ABCC2: variants seen among roughly 807,000 people sequenced by gnomAD.
The protein encoded by ABCC2 is ATP binding cassette subfamily C member 2, also known as ATP-binding cassette sub-family C member 2.
Under a neutral mutation model 173.4 loss-of-function variants are expected in ABCC2, and 157 were observed. The ratio of observed to expected loss-of-function variants is 0.91; its 90% CI spans 0.80 to 1.03. The LOEUF (loss-of-function observed/expected upper bound fraction) is 1.03, where lower values mean the gene tolerates loss of function less well. Among genes scored for constraint, ABCC2 ranks in the 50% least tolerant of loss-of-function variants. ABCC2 has a pLI of 0.00. For missense variants in ABCC2, 1,822 were observed against 1,852.3 expected (o/e 0.98, Z 0.30); for synonymous variants, 657 against 693.5 (o/e 0.95, Z 0.83).
Position 99,847,168 on chromosome 10 carries a change from G to T in ABCC2, c.4313+41G>T, listed in dbSNP as rs1454861902. 3.1e-6 allele frequency: 5 copies of T among 1,610,786 alleles called. No homozygotes were observed. The African/African-American group carries it at 5.3e-5, about 17-fold the overall frequency. ...CTGCTACCCCTGCAGGCAATGAGAGGATGTGAGGGGGCCACTCCTCGTGTT... is the reference window on the plus strand; with the variant it reads ...CTGCTACCCCTGCAGGCAATGAGAGTATGTGAGGGGGCCACTCCTCGTGTT... On this transcript the variant is annotated intron_variant, in intron 30 of 31. Coordinates refer to ENST00000647814, the MANE Select transcript of ABCC2 (RefSeq NM_000392.5).
At chr10:99,797,013 C>T (rs552854364) in intron 6 of ABCC2, 84 bp from the exon 7 acceptor site, 1 of 1,205,602 alleles carries the variant, frequency 8.3e-7, no homozygotes, top group Admixed American at 1.8e-5. Context: ...ATCCCAGAAC[C>T]TGGAGGTAGG....
At position 99,844,092 on chromosome 10, in the gene ABCC2, G is replaced by A. The variant is rs961198569; in HGVS notation, c.3843+192G>A. ...AATGGTTTAGGGGATGTCGGGTCTT[G>A]CAACATACCGAGGAGATCTACAGCA... On this transcript the variant is annotated intron_variant, in intron 27 of 31. Transcript: ENST00000647814. Among the ~76,000 whole-genome samples, 14 of 152,200 alleles carry A rather than the reference G, an allele frequency of 9.2e-5. No homozygotes were observed. In the South Asian group the frequency reaches 1.9e-3, roughly 20 times the overall value.
In ABCC2 at chr10:99,830,550, C is replaced by T. The variant is rs142033100; in HGVS notation, c.2747+117C>T. ...AACACCATGGACACTCCAAGCTCTT[C>T]CTTTGTTTCTTTGTTGTGGGGATGG... On this transcript the variant is annotated intron_variant, in intron 20 of 31. Coordinates refer to ENST00000647814, the MANE Select transcript of ABCC2 (RefSeq NM_000392.5). 125 of 1,570,790 alleles carry T rather than the reference C, an allele frequency of 8.0e-5. No individual in the cohort carries two copies. The East Asian group carries it at 2.5e-3, about 32-fold the overall frequency.
At chr10:99,827,877 G>A (rs578143003) in intron 19 of ABCC2, among the ~76,000 whole-genome samples, 2 of 140,658 alleles carry the variant, frequency 1.4e-5, no homozygotes, top group Non-Finnish European at 3.0e-5. Flanking sequence ...ATATGTACTC[G>A]GGATCTCTCG....
chr10:99,846,287 C>G (rs1480838696), intron 29 of ABCC2, among the ~76,000 whole-genome samples: 1 of 152,244 alleles, frequency 6.6e-6, no homozygotes, highest in African/African-American at 2.4e-5. Flanking sequence ...CTCCGTTCCC[C>G]GCAGCGGCTC....
intron 19 of ABCC2, among the ~76,000 whole-genome samples, chr10:99,821,558 T>C (rs1392323847): frequency 6.6e-6 from 1 of 152,182 alleles, no homozygotes; most frequent in Non-Finnish European, 1.5e-5. Context: ...TGGTGATGAC[T>C]CTTAACGAGC....
chr10:99,849,401 A>T (rs116854870), intron 30 of ABCC2, among the ~76,000 whole-genome samples: 3 of 152,322 alleles, frequency 2.0e-5, no homozygotes, highest in Non-Finnish European at 2.9e-5. Context: ...GTAGGGTACA[A>T]TGGGAGGCCT....
chr10:99,803,218 C>T (rs890789045), intron 9 of ABCC2, among the ~76,000 whole-genome samples: 1 of 152,228 alleles, frequency 6.6e-6, no homozygotes, highest in African/African-American at 2.4e-5. Flanking sequence ...ATCTGCCTGC[C>T]TCGTCCTTCC....
At chr10:99,800,055 C>G (rs540356128) in intron 8 of ABCC2, among the ~76,000 whole-genome samples, 2 of 152,162 alleles carry the variant, frequency 1.3e-5, no homozygotes, top group South Asian at 2.1e-4. Context: ...AAATAGTTAG[C>G]TAGATGCGAT....
rs1359611897 is a variant in ABCC2, at chr10:99,814,243, A to G, written c.2094+1099A>G. Among the ~76,000 whole-genome samples, 3 of 65,142 alleles carry G rather than the reference A, an allele frequency of 4.6e-5. 1 individual carries two copies. The highest frequency in any genetic ancestry group is 7.6e-5 in the African/African-American group (1 of 13,098). 42.7% of individuals were successfully genotyped at this position (65,142 alleles called of 152,430 possible). On this transcript the variant is annotated intron_variant, in intron 16 of 31. Transcript: ENST00000647814. Reference sequence around the variant, plus strand: ...TATATACACACATGTGTATATATGCACACACGTATGTATACACACGTATGT... The same window carrying G: ...TATATACACACATGTGTATATATGCGCACACGTATGTATACACACGTATGT...
rs2038086260 is a variant in ABCC2 at position 99,805,573 on chromosome 10, G to T, written c.1530+126G>T. The T allele has an allele frequency of 3.2e-6, 3 of 947,410 alleles. No homozygotes were observed. The Admixed American group carries it at 5.1e-5, about 16-fold the overall frequency. The allele number at this position is 947,410 out of a possible 1,614,324, so 58.7% of individuals were successfully genotyped here. A position where few individuals can be genotyped will look rare whatever the true frequency, so the allele number is the denominator to read the frequency against. On this transcript the variant is annotated intron_variant, in intron 11 of 31. Transcript: ENST00000647814. ...GGGCCGGTTGTGTCACATGACTTTT[G>T]TTTCATGTCCTCCTGTCCCTCTCAG...
chr10:99,814,211 ATG>A (rs34382900), intron 16 of ABCC2, among the ~76,000 whole-genome samples: 3,067 of 48,778 alleles, frequency 0.063, 354 homozygotes, highest in African/African-American at 0.12. Flanking sequence ...ATATACACAC[ATG>A]TGTATATATA....
intron 25 of ABCC2, among the ~76,000 whole-genome samples, chr10:99,837,096 T>G (rs1355048443): frequency 1.3e-5 from 2 of 151,816 alleles, no homozygotes; most frequent in Non-Finnish European, 2.9e-5. Context: ...ATGCTGGAAT[T>G]ATTGGTGCAG....
At chr10:99,804,737 G>A (rs1370190603) in intron 10 of ABCC2, among the ~76,000 whole-genome samples, 1 of 152,232 alleles carries the variant, frequency 6.6e-6, no homozygotes, top group Non-Finnish European at 1.5e-5. Context: ...GAAGTCACAG[G>A]TTGGGTGGGT....
At chr10:99,814,229 A>T (rs577991795) in intron 16 of ABCC2, among the ~76,000 whole-genome samples, 1 of 30,992 alleles carries the variant, frequency 3.2e-5, no homozygotes, top group Admixed American at 3.1e-4. Flanking sequence ...ATATACACAC[A>T]TGTGTATATA....
chr10:99,843,905 G>A lies in ABCC2; in HGVS notation c.3843+5G>A. 1 of 1,610,300 alleles carries A rather than the reference G, an allele frequency of 6.2e-7. No individual in the cohort carries two copies. The highest frequency in any genetic ancestry group is 1.3e-5 in the African/African-American group (1 of 74,952). Reference sequence around the variant, plus strand: ...TACACAAAAGTGGAAAATGAGGTAAGGAGGAACTGGAAAAATCCAGGAACA... The same window carrying A: ...TACACAAAAGTGGAAAATGAGGTAAAGAGGAACTGGAAAAATCCAGGAACA... On this transcript the variant is annotated splice_donor_5th_base_variant and intron_variant, in intron 27 of 31. Transcript: ENST00000647814.
rs1225896000 is a variant in ABCC2, at chr10:99,851,661, A to G, written c.*30A>G. On this transcript the variant is annotated 3_prime_UTR_variant, in exon 32 of 32. Transcript: ENST00000647814. ...AGGCCCCATGGGTTAGAAAAGGACT[A>G]TAAGAATAATTTCTTATTTAATTTT... is the stretch of plus-strand genomic sequence containing the variant. 3.1e-6 allele frequency: 5 copies of G among 1,593,732 alleles called. No homozygotes were observed. The highest frequency in any genetic ancestry group is 4.3e-6 in the Non-Finnish European group (5 of 1,165,694).
rs1483380276 is a variant in ABCC2 at position 99,804,111 on chromosome 10, G to A, written c.1302G>A (p.Val434=). 6.2e-7 allele frequency: 1 copy of A among 1,614,100 alleles called. No individual in the cohort carries two copies. Among genetic ancestry groups the A allele is most frequent in the Non-Finnish European group, 8.5e-7 (1 of 1,180,022 alleles). ...TGGATGCCCAGAAGCTCATGGATGT[G>A]ACCAACTTCATGCACATGCTGTGGT... ...MSVDAQKLMD[V]TNFMHMLWSS... is the part of the protein sequence containing the mutation. The change falls in exon 10 of 32, where the codon GTG becomes GTA. Residue 434 remains valine (V), a synonymous_variant. Coordinates refer to ENST00000647814, the MANE Select transcript of ABCC2 (RefSeq NM_000392.5).
intron 2 of ABCC2, 67 bp from the exon 3 acceptor site, chr10:99,792,167 A>G: frequency 6.2e-7 from 1 of 1,604,870 alleles, no homozygotes; most frequent in South Asian, 1.1e-5. Context: ...ATCACCGGAA[A>G]CCATTCTGTT....
Sources: gnomAD v4.1 joint callset for allele counts (sites outside exome capture counted in the v4.1 genomes callset) on GRCh38, gnomAD v4.1.1 for gene constraint, MANE v1.5 for transcripts, NCBI Gene and HGNC (gene_info 2026-07-23, HGNC 2026-07-21) for gene names.